LRRC63: variants seen among roughly 807,000 people sequenced by gnomAD.
LRRC63 encodes leucine rich repeat containing 63.
A neutral mutation model predicts 49.5 loss-of-function variants in LRRC63; 40 were observed. That is an observed-to-expected ratio of 0.81 (90% CI 0.63 to 1.05). The LOEUF is 1.05. LRRC63 is among the 50% of genes least tolerant of loss of function. LRRC63 has a pLI of 0.00. For synonymous variants in LRRC63, 191 were observed against 221.1 expected (o/e 0.86, Z 1.21); for missense variants, 636 against 663.1 (o/e 0.96, Z 0.45).
At chr13:46,255,253 G>C (rs1354334611) in intron 7 of LRRC63, among the ~76,000 whole-genome samples, 2 of 152,044 alleles carry the variant, frequency 1.3e-5, no homozygotes, top group Non-Finnish European at 2.9e-5. Context: ...TAGGTTACTG[G>C]GGGCTCAGGT....
At chr13:46,224,257 T>C (rs571498010) in intron 2 of LRRC63, among the ~76,000 whole-genome samples, 1 of 152,322 alleles carries the variant, frequency 6.6e-6, no homozygotes, top group East Asian at 1.9e-4. Context: ...TTTTAGGTTC[T>C]TTTTCTTTAT....
At chr13:46,230,032 G>A (rs1647516254) in intron 4 of LRRC63, among the ~76,000 whole-genome samples, 1 of 151,934 alleles carries the variant, frequency 6.6e-6, no homozygotes. Flanking sequence ...CTATCATGAG[G>A]GCAGCACAAA....
In LRRC63 at chr13:46,267,116, G is replaced by A. The variant is rs561891671; in HGVS notation, c.1550+144G>A. ...AACCATACACACAATTCTTCAAATC[G>A]CTCCATCCAGTTCTTCAGGTATAAT... On this transcript the variant is annotated intron_variant, in intron 9 of 9. Transcript: ENST00000595396. 47 of 772,276 alleles carry A rather than the reference G, an allele frequency of 6.1e-5. 1 individual carries two copies. The highest frequency in any genetic ancestry group is 5.3e-4 in the African/African-American group (30 of 56,920). 47.8% of individuals were successfully genotyped at this position (772,276 alleles called of 1,614,324 possible). A position where few individuals can be genotyped will look rare whatever the true frequency, so the allele number is the denominator to read the frequency against.
chr13:46,216,636 C>T (rs2138345865), intron 2 of LRRC63, among the ~76,000 whole-genome samples: 1 of 152,294 alleles, frequency 6.6e-6, no homozygotes, highest in African/African-American at 2.4e-5. Context: ...ACTTCCAATA[C>T]CAGGTTAAAT....
intron 4 of LRRC63, among the ~76,000 whole-genome samples, chr13:46,230,593 T>C (rs1594033214): frequency 6.6e-6 from 1 of 152,324 alleles, no homozygotes; most frequent in Non-Finnish European, 1.5e-5. Context: ...TGATATTCTA[T>C]GGGAGGGGCT....
chr13:46,228,514 G>C lies in LRRC63; in HGVS notation c.764-151G>C. 4.8e-6 allele frequency: 3 copies of C among 623,702 alleles called. No homozygotes were observed. In the South Asian group the frequency reaches 6.3e-5, roughly 13 times the overall value. 38.6% of individuals were successfully genotyped at this position (623,702 alleles called of 1,614,324 possible). ...GTGATCTAGAAGAACTCCAGAAGTA[G>C]AATGCCAGTGCTGATAGACGCCTTC... On this transcript the variant is annotated intron_variant, in intron 3 of 9. Transcript: ENST00000595396.
intron 7 of LRRC63, among the ~76,000 whole-genome samples, chr13:46,250,709 C>T (rs1386134186): frequency 6.6e-6 from 1 of 151,876 alleles, no homozygotes; most frequent in Non-Finnish European, 1.5e-5. Context: ...CATTTAGAAA[C>T]ACGTTATCTG....
In LRRC63 at chr13:46,234,211, A is replaced by G. The variant is rs1357178183; in HGVS notation, c.852A>G (p.Lys284=). Residue 284 remains lysine, a synonymous_variant, in exon 5 of 10, where the codon AAA becomes AAG. Transcript: ENST00000595396. ...ATTTAGGTCTCACCAAAACTGAAAA[A>G]ATAGAATCAGAGATACACGTTGTAC... 3.2e-6 allele frequency: 5 copies of G among 1,549,334 alleles called. No individual in the cohort carries two copies. In the Admixed American group the frequency reaches 9.8e-5, roughly 30 times the overall value.
At chr13:46,272,327 A>G (rs2138596107) in intron 9 of LRRC63, among the ~76,000 whole-genome samples, 1 of 152,372 alleles carries the variant, frequency 6.6e-6, no homozygotes, top group South Asian at 2.1e-4. Flanking sequence ...ATAGACAAGT[A>G]GATAAGTGAT....
At chr13:46,218,119 T>G (rs9534356) in intron 2 of LRRC63, among the ~76,000 whole-genome samples, 72,865 of 151,512 alleles carry the variant, frequency 0.48, 19,017 homozygotes, top group African/African-American at 0.66. Flanking sequence ...TATTAGGTCT[T>G]CTTGGTCCAA....
chr13:46,274,552 T>C (rs2047805126), intron 9 of LRRC63, among the ~76,000 whole-genome samples: 1 of 152,226 alleles, frequency 6.6e-6, no homozygotes, highest in Non-Finnish European at 1.5e-5. Flanking sequence ...GTACAACTTA[T>C]CATTGCTGTC....
chr13:46,272,463 A>G (rs995719723), intron 9 of LRRC63, among the ~76,000 whole-genome samples: 7 of 152,226 alleles, frequency 4.6e-5, no homozygotes, highest in African/African-American at 1.7e-4. Flanking sequence ...ACCTATTTTT[A>G]TCAAAATTTA....
intron 5 of LRRC63, among the ~76,000 whole-genome samples, chr13:46,240,402 C>T (rs2047027874): frequency 6.6e-6 from 1 of 152,094 alleles, no homozygotes; most frequent in Non-Finnish European, 1.5e-5. Context: ...GCTGGGATTA[C>T]AGGTGTGAGC....
At chr13:46,260,052 A>G (rs928770550) in intron 7 of LRRC63, among the ~76,000 whole-genome samples, 12 of 152,218 alleles carry the variant, frequency 7.9e-5, no homozygotes, top group Non-Finnish European at 1.6e-4. Flanking sequence ...AGGCTGTCTG[A>G]ACAGATTTTC....
chr13:46,212,543 A>T (rs971382823), intron 1 of LRRC63, among the ~76,000 whole-genome samples: 9 of 152,182 alleles, frequency 5.9e-5, no homozygotes, highest in Non-Finnish European at 1.0e-4. Flanking sequence ...GAATGGTTAG[A>T]TATGGTGGGT....
At chr13:46,265,515 T>A (rs1390019059) in intron 8 of LRRC63, among the ~76,000 whole-genome samples, 1 of 152,194 alleles carries the variant, frequency 6.6e-6, no homozygotes, top group Non-Finnish European at 1.5e-5. Context: ...AGCCATCTTC[T>A]CACTCTAATC....
intron 4 of LRRC63, among the ~76,000 whole-genome samples, chr13:46,230,506 T>G (rs1456908832): frequency 1.3e-5 from 2 of 152,156 alleles, no homozygotes. Flanking sequence ...GCTTTCAGTC[T>G]ATGGCTAAAG....
chr13:46,256,957 A>C (rs1453122584), intron 7 of LRRC63, among the ~76,000 whole-genome samples: 1 of 152,234 alleles, frequency 6.6e-6, no homozygotes, highest in African/African-American at 2.4e-5. Context: ...AAGGGAAATT[A>C]AGTTTGGAGA....
intron 5 of LRRC63, among the ~76,000 whole-genome samples, chr13:46,235,070 A>G (rs904013328): frequency 1.3e-5 from 2 of 152,158 alleles, no homozygotes; most frequent in South Asian, 4.1e-4. Context: ...GGCTAGAAAC[A>G]TTCTTAGAAA....
Sources: allele counts gnomAD v4.1 joint callset (sites outside exome capture counted in the v4.1 genomes callset), GRCh38; gene constraint gnomAD v4.1.1; transcripts MANE v1.5; gene names NCBI Gene and HGNC (gene_info 2026-07-23, HGNC 2026-07-21).